Variants in PPP2R5E observed in about 807,000 individuals in gnomAD.
PPP2R5E encodes the protein protein phosphatase 2 regulatory subunit B'epsilon.
In PPP2R5E, 4 loss-of-function variants were observed where a neutral mutation model predicts 65.3. The observed-to-expected ratio is 0.06, with a 90% CI of 0.03 to 0.14. The LOEUF (loss-of-function observed/expected upper bound fraction) is 0.14. Among genes scored for constraint, PPP2R5E ranks in the 10% least tolerant of loss-of-function variants. The probability of loss-of-function intolerance (pLI) is 1.00; values close to 1 mark genes in which losing one functional copy is unlikely to be tolerated. For missense variants in PPP2R5E, 274 were observed against 556.1 expected, an observed-to-expected ratio of 0.49 and a Z score of 5.10; for synonymous variants, 183 against 187.4, an observed-to-expected ratio of 0.98 and a Z score of 0.19.
chr14:63,383,561 T>C (rs1201374052), intron 12 of PPP2R5E, among the ~76,000 whole-genome samples: 1 of 152,208 alleles, frequency 6.6e-6, no homozygotes, highest in Non-Finnish European at 1.5e-5. Flanking sequence ...CAGCTCCTTA[T>C]TTTTACAAGT....
intron 3 of PPP2R5E, among the ~76,000 whole-genome samples, chr14:63,437,968 T>C (rs1344394738): frequency 6.6e-6 from 1 of 152,192 alleles, no homozygotes; most frequent in African/African-American, 2.4e-5. Context: ...TCTCTACTCA[T>C]CACAGAAATG....
intron 2 of PPP2R5E, among the ~76,000 whole-genome samples, chr14:63,500,664 C>T (rs1459005980): frequency 6.6e-6 from 1 of 151,920 alleles, no homozygotes; most frequent in Non-Finnish European, 1.5e-5. Context: ...GACAATAGAG[C>T]AACATAGATA....
At chr14:63,443,427 A>G (rs185032191) in intron 3 of PPP2R5E, among the ~76,000 whole-genome samples, 1 of 152,282 alleles carries the variant, frequency 6.6e-6, no homozygotes, top group East Asian at 1.9e-4. Context: ...CACTTTTTGT[A>G]GGAGAGAAGT....
At chr14:63,439,752 C>T (rs1775598389) in intron 3 of PPP2R5E, among the ~76,000 whole-genome samples, 1 of 152,220 alleles carries the variant, frequency 6.6e-6, no homozygotes, top group Non-Finnish European at 1.5e-5. Flanking sequence ...CACATAAGTG[C>T]TTCCAAGGAT....
At chr14:63,534,366 G>C (rs147497003) in intron 2 of PPP2R5E, among the ~76,000 whole-genome samples, 1,754 of 152,150 alleles carry the variant, frequency 0.012, 86 homozygotes, top group Admixed American at 0.079. Flanking sequence ...CCGGGGTCAA[G>C]TGATTCTCCT....
chr14:63,541,101 T>C (rs1041844920), intron 1 of PPP2R5E, among the ~76,000 whole-genome samples: 1 of 152,212 alleles, frequency 6.6e-6, no homozygotes. Context: ...ACTGAAACTA[T>C]CTAGGCATAA....
Position 63,390,379 on chromosome 14 carries a change from C to T in PPP2R5E, c.955-648G>A, listed in dbSNP as rs182584705. On this transcript the variant is annotated intron_variant, in intron 10 of 13. Coordinates refer to ENST00000337537, the MANE Select transcript of PPP2R5E (RefSeq NM_006246.5). Reference sequence around the variant, plus strand: ...ACAGTGAATCTTGTGAACTCAGCACCGGGTGCCGCAAGAAACAGAGTTTTT... The same window carrying T: ...ACAGTGAATCTTGTGAACTCAGCACTGGGTGCCGCAAGAAACAGAGTTTTT... Among the ~76,000 whole-genome samples the T allele has an allele frequency of 7.0e-4, 106 of 151,954 alleles. 1 individual carries two copies. The highest frequency in any genetic ancestry group is 3.5e-4 in the Non-Finnish European group (24 of 67,974).
chr14:63,471,203 T>C (rs186514250), intron 2 of PPP2R5E, among the ~76,000 whole-genome samples: 62 of 152,376 alleles, frequency 4.1e-4, no homozygotes, highest in Non-Finnish European at 8.8e-5. Flanking sequence ...AGATGTCTTA[T>C]GTATAGATTG....
chr14:63,512,389 A>G lies in PPP2R5E; in HGVS notation c.157+27140T>C, dbSNP rs528831505. Among the ~76,000 whole-genome samples, 11 of 152,326 alleles carry G rather than the reference A, an allele frequency of 7.2e-5. No individual in the cohort carries two copies. In the South Asian group the frequency reaches 1.5e-3, roughly 20 times the overall value. ...GACAAACATACATACCACAAATAAT[A>G]CTTAAGAGTAAAAGCATTTATGCTG... is the stretch of plus-strand genomic sequence containing the variant. On this transcript the variant is annotated intron_variant, in intron 2 of 13. Coordinates refer to ENST00000337537, the MANE Select transcript of PPP2R5E (RefSeq NM_006246.5).
At chr14:63,429,115 G>A (rs1276145908) in intron 3 of PPP2R5E, among the ~76,000 whole-genome samples, 2 of 152,128 alleles carry the variant, frequency 1.3e-5, no homozygotes, top group African/African-American at 4.8e-5. Context: ...GGTACACTGG[G>A]CATGTAATGT....
At chr14:63,531,273 A>G (rs568629329) in intron 2 of PPP2R5E, among the ~76,000 whole-genome samples, 1 of 151,998 alleles carries the variant, frequency 6.6e-6, no homozygotes, top group African/African-American at 2.4e-5. Flanking sequence ...TCCTAATGCT[A>G]TCCGTCCCCC....
intron 3 of PPP2R5E, among the ~76,000 whole-genome samples, chr14:63,425,391 T>G (rs551603899): frequency 6.6e-5 from 10 of 152,356 alleles, no homozygotes; most frequent in Admixed American, 2.0e-4. Flanking sequence ...GAATCTTCAT[T>G]AAACTATACA....
chr14:63,486,457 C>A (rs1461036114), intron 2 of PPP2R5E, among the ~76,000 whole-genome samples: 1 of 152,060 alleles, frequency 6.6e-6, no homozygotes, highest in Non-Finnish European at 1.5e-5. Flanking sequence ...GTTACACACA[C>A]ATTCATACAT....
chr14:63,375,866 A>G lies in PPP2R5E; in HGVS notation c.*143T>C, dbSNP rs1460863689. On this transcript the variant is annotated 3_prime_UTR_variant, in exon 14 of 14. Transcript: ENST00000337537. ...ATTTTGTTTTTTCCTTTACTTAGAGACAGGTATATACAGTGCTGCTGTAAT... is the reference window on the plus strand; with the variant it reads ...ATTTTGTTTTTTCCTTTACTTAGAGGCAGGTATATACAGTGCTGCTGTAAT... The G allele has an allele frequency of 2.1e-6, 1 of 478,128 alleles. No individual in the cohort carries two copies. Among genetic ancestry groups the G allele is most frequent in the Non-Finnish European group, 3.6e-6 (1 of 276,966 alleles). 29.6% of individuals were successfully genotyped at this position (478,128 alleles called of 1,614,324 possible). A position where few individuals can be genotyped will look rare whatever the true frequency, so the allele number is the denominator to read the frequency against.
At chr14:63,503,091 A>C (rs1269429199) in intron 2 of PPP2R5E, among the ~76,000 whole-genome samples, 1 of 152,256 alleles carries the variant, frequency 6.6e-6, no homozygotes, top group Non-Finnish European at 1.5e-5. Flanking sequence ...TGGTCCAATG[A>C]GCAATACAGA....
intron 3 of PPP2R5E, among the ~76,000 whole-genome samples, chr14:63,438,859 T>C (rs533923081): frequency 1.3e-5 from 2 of 152,254 alleles, no homozygotes; most frequent in African/African-American, 2.4e-5. Context: ...TGCTAAATTA[T>C]TACTAGAGTT....
intron 5 of PPP2R5E, among the ~76,000 whole-genome samples, chr14:63,409,659 G>A (rs537435640): frequency 7.9e-5 from 12 of 152,148 alleles, no homozygotes; most frequent in African/African-American, 1.7e-4. Flanking sequence ...CTGAGGCTCC[G>A]AGTGGTCAAT....
intron 2 of PPP2R5E, among the ~76,000 whole-genome samples, chr14:63,487,994 T>C (rs142158573): frequency 2.6e-5 from 4 of 152,312 alleles, no homozygotes; most frequent in African/African-American, 9.6e-5. Flanking sequence ...AAAAATGACA[T>C]GAAATGAGAC....
intron 2 of PPP2R5E, among the ~76,000 whole-genome samples, chr14:63,523,530 C>T (rs1213485026): frequency 6.6e-6 from 1 of 151,618 alleles, no homozygotes. Context: ...TAAGAGTCAT[C>T]ACCACTCCCT....
Sources: gnomAD v4.1 joint callset for allele counts (sites outside exome capture counted in the v4.1 genomes callset) on GRCh38, gnomAD v4.1.1 for gene constraint, MANE v1.5 for transcripts, NCBI Gene and HGNC (gene_info 2026-07-23, HGNC 2026-07-21) for gene names.